PAPPA2: variants seen among roughly 807,000 people sequenced by gnomAD.
PAPPA2 encodes pappalysin 2.
PAPPA2 carries 86 observed loss-of-function variants against 176.4 expected under a neutral mutation model. That is an observed-to-expected ratio of 0.49 (90% CI 0.41 to 0.58). The LOEUF is 0.58. Ranked by LOEUF, PAPPA2 falls within the 20% of genes least tolerant of loss-of-function variation. PAPPA2 has a pLI of 0.00. For missense variants in PAPPA2, 2,073 were observed against 2,256.9 expected, an observed-to-expected ratio of 0.92 and a Z score of 1.65; for synonymous variants, 809 against 852.2, an observed-to-expected ratio of 0.95 and a Z score of 0.88.
intron 4 of PAPPA2, among the ~76,000 whole-genome samples, chr1:176,671,450 G>A (rs927309636): frequency 2.0e-5 from 3 of 152,180 alleles, no homozygotes; most frequent in African/African-American, 7.2e-5. Flanking sequence ...GAAGGTGGCT[G>A]GACTGTGAAA....
intron 3 of PAPPA2, among the ~76,000 whole-genome samples, chr1:176,599,516 T>A (rs1654184551): frequency 6.6e-6 from 1 of 151,148 alleles, no homozygotes. Flanking sequence ...TACTTTTTTT[T>A]TTTTTTTTGA....
chr1:176,597,233 C>T (rs1346178785), intron 3 of PAPPA2, among the ~76,000 whole-genome samples: 1 of 152,114 alleles, frequency 6.6e-6, no homozygotes, highest in Non-Finnish European at 1.5e-5. Context: ...ACTCAGAAGT[C>T]TTGTCTGTAA....
At chr1:176,560,393 T>G (rs574632577) in intron 2 of PAPPA2, among the ~76,000 whole-genome samples, 1 of 152,316 alleles carries the variant, frequency 6.6e-6, no homozygotes, top group Non-Finnish European at 1.5e-5. Flanking sequence ...AGGCTTTGGG[T>G]GCTGAACGTC....
intron 2 of PAPPA2, among the ~76,000 whole-genome samples, chr1:176,568,011 C>G (rs1241257919): frequency 6.6e-6 from 1 of 152,158 alleles, no homozygotes; most frequent in Non-Finnish European, 1.5e-5. Context: ...GCATCCACAT[C>G]ACATTAAGTA....
chr1:176,680,626 C>T (rs1409836195), intron 4 of PAPPA2, among the ~76,000 whole-genome samples: 2 of 152,102 alleles, frequency 1.3e-5, no homozygotes, highest in Admixed American at 1.3e-4. Context: ...TGAAACTAAC[C>T]TAAGTTATAA....
At chr1:176,605,840 G>A (rs1654581344) in intron 3 of PAPPA2, among the ~76,000 whole-genome samples, 1 of 152,124 alleles carries the variant, frequency 6.6e-6, no homozygotes, top group Non-Finnish European at 1.5e-5. Flanking sequence ...AGTAGAATGA[G>A]CTGGTTTTTC....
chr1:176,481,597 A>G (rs1652406367), intron 1 of PAPPA2, among the ~76,000 whole-genome samples: 1 of 152,232 alleles, frequency 6.6e-6, no homozygotes, highest in African/African-American at 2.4e-5. Flanking sequence ...AGACTTCATC[A>G]AAGGGGCAAA....
intron 1 of PAPPA2, among the ~76,000 whole-genome samples, chr1:176,487,183 T>C (rs959186204): frequency 6.6e-6 from 1 of 152,118 alleles, no homozygotes; most frequent in Admixed American, 6.5e-5. Context: ...TAAGCAATTC[T>C]AAAAAGGTGG....
intron 2 of PAPPA2, among the ~76,000 whole-genome samples, chr1:176,586,901 T>C (rs1558454790): frequency 6.6e-6 from 1 of 152,284 alleles, no homozygotes; most frequent in East Asian, 1.9e-4. Flanking sequence ...TAATTTACAT[T>C]CCCACCAACA....
rs1652223325 is a variant in PAPPA2 at position 176,478,079 on chromosome 1, C to T, written c.-917+14661C>T. On this transcript the variant is annotated intron_variant, in intron 1 of 22. Coordinates refer to ENST00000367662, the MANE Select transcript of PAPPA2 (RefSeq NM_020318.3). ...GGAAACTGCTGGCCTGATCACCTTG[C>T]GTAGGAACTATAGCTGAATATTTTG... 2.6e-5 allele frequency among the ~76,000 whole-genome samples: 4 copies of T among 152,244 alleles called. No homozygotes were observed. The South Asian group carries it at 6.2e-4, about 24-fold the overall frequency.
intron 21 of PAPPA2, among the ~76,000 whole-genome samples, chr1:176,806,388 G>A (rs1665909984): frequency 6.6e-6 from 1 of 152,202 alleles, no homozygotes; most frequent in Non-Finnish European, 1.5e-5. Context: ...GAGATGGAAA[G>A]TTGCAGACAG....
intron 14 of PAPPA2, among the ~76,000 whole-genome samples, chr1:176,742,725 C>A (rs1241199722): frequency 6.6e-6 from 1 of 152,118 alleles, no homozygotes; most frequent in Non-Finnish European, 1.5e-5. Context: ...TTTTTGCAGC[C>A]TGTGTCTGTC....
At chr1:176,649,358 A>G (rs1281354981) in intron 3 of PAPPA2, among the ~76,000 whole-genome samples, 1 of 146,850 alleles carries the variant, frequency 6.8e-6, no homozygotes, top group Non-Finnish European at 1.5e-5. Context: ...TAGTTTGCAT[A>G]TTTTATCTTT....
At chr1:176,758,580 C>G (rs1322120747) in intron 14 of PAPPA2, among the ~76,000 whole-genome samples, 1 of 152,134 alleles carries the variant, frequency 6.6e-6, no homozygotes, top group East Asian at 1.9e-4. Flanking sequence ...GCATAAGAAT[C>G]AATACAATGA....
chr1:176,790,000 A>G (rs1665106931), intron 18 of PAPPA2, 23 bp downstream of exon 18: 3 of 1,610,842 alleles, frequency 1.9e-6, no homozygotes, highest in Non-Finnish European at 2.5e-6. Flanking sequence ...TTTTGAACTT[A>G]TTTTCATCAG....
At chr1:176,703,992 G>A (rs922717841) in intron 9 of PAPPA2, among the ~76,000 whole-genome samples, 1 of 152,170 alleles carries the variant, frequency 6.6e-6, no homozygotes, top group Non-Finnish European at 1.5e-5. Flanking sequence ...TGCTGGGGGG[G>A]GTGGGTGACC....
At chr1:176,798,939 T>A (rs1469384267) in intron 20 of PAPPA2, among the ~76,000 whole-genome samples, 1 of 152,210 alleles carries the variant, frequency 6.6e-6, no homozygotes, top group Non-Finnish European at 1.5e-5. Context: ...ATATTGCAGA[T>A]CCCCATTCTC....
intron 1 of PAPPA2, among the ~76,000 whole-genome samples, chr1:176,503,002 T>C (rs947623220): frequency 6.6e-6 from 1 of 152,196 alleles, no homozygotes; most frequent in Admixed American, 6.6e-5. Flanking sequence ...GCTGCAAATT[T>C]CGTGGTTTAA....
At chr1:176,650,917 T>C (rs1657685040) in intron 3 of PAPPA2, among the ~76,000 whole-genome samples, 1 of 151,706 alleles carries the variant, frequency 6.6e-6, no homozygotes, top group Admixed American at 6.6e-5. Context: ...AAACATCTTA[T>C]AGATATAACA....
Sources: gnomAD v4.1 joint callset for allele counts (sites outside exome capture counted in the v4.1 genomes callset) on GRCh38, gnomAD v4.1.1 for gene constraint, MANE v1.5 for transcripts, NCBI Gene and HGNC (gene_info 2026-07-23, HGNC 2026-07-21) for gene names.